The following ATP13A4 variants were observed in gnomAD, a reference collection of about 807,000 sequenced individuals.
ATP13A4 encodes ATPase 13A4, also known as probable cation-transporting ATPase 13A4.
A neutral mutation model predicts 142.5 loss-of-function variants in ATP13A4; 114 were observed. The observed-to-expected ratio is 0.80, with a 90% CI of 0.69 to 0.93. The LOEUF (loss-of-function observed/expected upper bound fraction) is 0.93, where lower values mean the gene tolerates loss of function less well. Among genes scored for constraint, ATP13A4 ranks in the 40% least tolerant of loss-of-function variants. The pLI, the probability that ATP13A4 is intolerant of heterozygous loss-of-function variation, is 0.00. For missense variants in ATP13A4, 1,392 were observed against 1,454.0 expected (o/e 0.96, Z 0.69); for synonymous variants, 488 against 514.8 (o/e 0.95, Z 0.70).
intron 1 of ATP13A4, among the ~76,000 whole-genome samples, chr3:193,587,574 T>C (rs1006906137): frequency 6.6e-6 from 1 of 152,372 alleles, no homozygotes; most frequent in East Asian, 1.9e-4. Flanking sequence ...ATCTGATATC[T>C]GCACAGGTGT....
At chr3:193,468,169 A>G (rs1435952685) in intron 9 of ATP13A4, among the ~76,000 whole-genome samples, 2 of 152,178 alleles carry the variant, frequency 1.3e-5, no homozygotes, top group Non-Finnish European at 2.9e-5. Context: ...ACAAGAGTGA[A>G]ACTCCATCTC....
intron 1 of ATP13A4, among the ~76,000 whole-genome samples, chr3:193,538,926 G>A (rs1399992950): frequency 7.4e-6 from 1 of 135,298 alleles, no homozygotes; most frequent in Admixed American, 7.9e-5. Context: ...TGGAGTTTTG[G>A]TCTTGTGCCC....
chr3:193,566,070 G>A (rs570106956), intron 2 of ATP13A4, among the ~76,000 whole-genome samples: 19 of 152,236 alleles, frequency 1.2e-4, no homozygotes, highest in African/African-American at 4.3e-4. Flanking sequence ...CAGTGCCCAA[G>A]TCCTCAACTC....
At chr3:193,576,178 T>C (rs897077895) in intron 2 of ATP13A4, among the ~76,000 whole-genome samples, 1 of 147,312 alleles carries the variant, frequency 6.8e-6, no homozygotes, top group South Asian at 2.2e-4. Flanking sequence ...CTAAGCCCCC[T>C]GCAGAATGTA....
At chr3:193,503,311 C>A (rs191420573) in intron 2 of ATP13A4, among the ~76,000 whole-genome samples, 2 of 152,282 alleles carry the variant, frequency 1.3e-5, no homozygotes, top group East Asian at 1.9e-4. Flanking sequence ...TATTGCATGA[C>A]CCTAATTAAA....
intron 1 of ATP13A4, among the ~76,000 whole-genome samples, chr3:193,520,862 T>C (rs1721678423): frequency 6.6e-6 from 1 of 152,182 alleles, no homozygotes; most frequent in Non-Finnish European, 1.5e-5. Context: ...TGGCAGATAG[T>C]TGGGATGATA....
chr3:193,477,607 G>A (rs758209020), intron 8 of ATP13A4, among the ~76,000 whole-genome samples: 1 of 151,986 alleles, frequency 6.6e-6, no homozygotes, highest in Admixed American at 6.6e-5. Flanking sequence ...ATCAAACAAC[G>A]AAAGAGATGG....
At chr3:193,558,726 C>T (rs1456502907), upstream of ATP13A4, among the ~76,000 whole-genome samples, 1 of 152,144 alleles carries the variant, frequency 6.6e-6, no homozygotes, top group Admixed American at 6.5e-5. Flanking sequence ...GATGAGGGCT[C>T]GCACACAGCC....
intron 1 of ATP13A4, among the ~76,000 whole-genome samples, chr3:193,546,801 G>C (rs1243852511): frequency 6.6e-6 from 1 of 152,166 alleles, no homozygotes; most frequent in East Asian, 1.9e-4. Context: ...AACGAACCTG[G>C]TAATGTCACT....
chr3:193,431,314 A>AC (rs55707146), intron 25 of ATP13A4, among the ~76,000 whole-genome samples: 94,369 of 151,804 alleles, frequency 0.62, 31,161 homozygotes, highest in Non-Finnish European at 0.74. Flanking sequence ...CTGTTTGAGA[A>AC]TGTGAAGTTT....
At chr3:193,470,792 G>A in intron 9 of ATP13A4, 67 bp downstream of exon 9, 2 of 1,609,944 alleles carry the variant, frequency 1.2e-6, no homozygotes, top group Non-Finnish European at 1.7e-6. Flanking sequence ...AGGAGGCGTA[G>A]GGACCATAGC....
At chr3:193,428,858 G>T (rs1045437366) in intron 25 of ATP13A4, among the ~76,000 whole-genome samples, 3 of 151,062 alleles carry the variant, frequency 2.0e-5, no homozygotes, top group Non-Finnish European at 3.0e-5. Context: ...AGTTAATGGG[G>T]GCAGCTCACC....
rs1720608049 is a variant in ATP13A4 at position 193,502,520 on chromosome 3, A to G, written c.354T>C (p.Asn118=). The G allele has an allele frequency of 3.7e-6, 6 of 1,613,964 alleles. No homozygotes were observed. Among genetic ancestry groups the G allele is most frequent in the Non-Finnish European group, 4.2e-6 (5 of 1,179,978 alleles). ...TTAGGTCTGGCTTTCTTATGGCTCTATTTATGATATACTCCTCATCTGTCA... is the reference window on the plus strand; with the variant it reads ...TTAGGTCTGGCTTTCTTATGGCTCTGTTTATGATATACTCCTCATCTGTCA... The part of the protein sequence containing the change: ...PLMTDEEYII[N]RAIRKPDLKV... Residue 118 remains asparagine, a synonymous_variant, in exon 3 of 30, where the codon AAT becomes AAC. Transcript: ENST00000342695.
chr3:193,411,208 AT>A, intron 27 of ATP13A4, 138 bp from the exon 28 acceptor site: 1 of 699,914 alleles, frequency 1.4e-6, no homozygotes, highest in South Asian at 1.6e-5. Context: ...GAAAGTATTC[AT>A]TTCTAAGCAA....
At chr3:193,408,200 T>G (rs569821352) in intron 28 of ATP13A4, among the ~76,000 whole-genome samples, 1 of 152,382 alleles carries the variant, frequency 6.6e-6, no homozygotes, top group African/African-American at 2.4e-5. Flanking sequence ...AACAGTTCCA[T>G]AGAGGACAGT....
At chr3:193,426,177 G>T (rs1264914796) in intron 25 of ATP13A4, among the ~76,000 whole-genome samples, 1 of 151,550 alleles carries the variant, frequency 6.6e-6, no homozygotes, top group Non-Finnish European at 1.5e-5. Context: ...AATGTTTCAG[G>T]GCATAAGATC....
At chr3:193,435,845 A>G in intron 23 of ATP13A4, 101 bp from the exon 24 acceptor site, 1 of 1,026,964 alleles carries the variant, frequency 9.7e-7, no homozygotes, top group Non-Finnish European at 1.5e-6. Flanking sequence ...AAAAATCAAA[A>G]GTCATTATAC....
chr3:193,466,166 C>T lies in ATP13A4; in HGVS notation c.1131G>A (p.Lys377=). 6.2e-7 allele frequency: 1 copy of T among 1,613,966 alleles called. No homozygotes were observed. Among genetic ancestry groups the T allele is most frequent in the Non-Finnish European group, 8.5e-7 (1 of 1,179,898 alleles). The change falls in exon 11 of 30, where the codon AAG becomes AAA. Residue 377 remains lysine (K), a synonymous_variant. Transcript: ENST00000342695. ...AGAGAATGGATCTCACAAGGTCTCC[C>T]TTTGCAGTGTTGAATCCTGGAACAA... The part of the protein sequence containing the change: ...VVLQTGFNTA[K]GDLVRSILYP...
At position 193,459,226 on chromosome 3, in the gene ATP13A4, T is replaced by C; in HGVS notation, c.1529A>G (p.Gln510Arg). The change falls in exon 14 of 30, where the codon CAG becomes CGG. Residue 510 changes from glutamine to arginine, a missense_variant. Physicochemically the swap from Gln to Arg is conservative, Grantham distance 43 (BLOSUM62 1). Transcript: ENST00000342695. ...GVVSCDRNGF[Q>R]EVHSFASGQA... Reference sequence around the variant, plus strand: ...GCCTGAGGCAAAGCTGTGAACTTCCTGAAAGCTTAAGGAGAAAAGGAAATG... The same window carrying C: ...GCCTGAGGCAAAGCTGTGAACTTCCCGAAAGCTTAAGGAGAAAAGGAAATG... The C allele has an allele frequency of 6.2e-7, 1 of 1,614,222 alleles. No individual in the cohort carries two copies. Among genetic ancestry groups the C allele is most frequent in the African/African-American group, 1.3e-5 (1 of 75,064 alleles).
Sources: allele counts gnomAD v4.1 joint callset (sites outside exome capture counted in the v4.1 genomes callset), GRCh38; gene constraint gnomAD v4.1.1; transcripts MANE v1.5; gene names NCBI Gene and HGNC (gene_info 2026-07-23, HGNC 2026-07-21).